The following NIBAN1 variants were observed in gnomAD, a reference collection of about 807,000 sequenced individuals.
NIBAN1 encodes niban apoptosis regulator 1.
A neutral mutation model predicts 75.1 loss-of-function variants in NIBAN1; 81 were observed. That is an observed-to-expected ratio of 1.08 (90% confidence interval 0.90 to 1.30). The LOEUF (loss-of-function observed/expected upper bound fraction) is 1.30, where lower values mean the gene tolerates loss of function less well. Ranked by LOEUF, NIBAN1 falls within the 50% of genes most tolerant of loss-of-function variation. The pLI is 0.00. For synonymous variants in NIBAN1, 436 were observed against 424.8 expected (o/e 1.03, Z -0.32); for missense variants, 1,133 against 1,128.1 (o/e 1.00, Z -0.06).
chr1:184,941,345 C>G (rs1658082203), intron 1 of NIBAN1, among the ~76,000 whole-genome samples: 1 of 152,136 alleles, frequency 6.6e-6, no homozygotes, highest in Non-Finnish European at 1.5e-5. Context: ...AATGTCAACA[C>G]TTTCATTTAA....
At chr1:184,926,555 G>A (rs1657691532) in intron 1 of NIBAN1, among the ~76,000 whole-genome samples, 1 of 152,064 alleles carries the variant, frequency 6.6e-6, no homozygotes, top group African/African-American at 2.4e-5. Flanking sequence ...TATGTTATTT[G>A]TTTCTTTTCT....
At chr1:184,866,027 A>T (rs1655947000) in intron 5 of NIBAN1, among the ~76,000 whole-genome samples, 1 of 152,086 alleles carries the variant, frequency 6.6e-6, no homozygotes, top group Admixed American at 6.6e-5. Flanking sequence ...TCAAATGATG[A>T]CCTACTTCCC....
intron 6 of NIBAN1, among the ~76,000 whole-genome samples, chr1:184,829,213 T>C (rs1344316080): frequency 6.6e-6 from 1 of 152,186 alleles, no homozygotes; most frequent in Non-Finnish European, 1.5e-5. Flanking sequence ...CCTGCAAAAC[T>C]AGGAGCTTAC....
At chr1:184,878,812 C>T (rs2101961831) in intron 5 of NIBAN1, among the ~76,000 whole-genome samples, 2 of 152,310 alleles carry the variant, frequency 1.3e-5, no homozygotes, top group South Asian at 4.1e-4. Context: ...ACAACTGGTT[C>T]TCAGCCACTA....
chr1:184,828,536 T>C (rs1484006478), intron 6 of NIBAN1, among the ~76,000 whole-genome samples: 1 of 152,238 alleles, frequency 6.6e-6, no homozygotes, highest in Non-Finnish European at 1.5e-5. Flanking sequence ...TTTACTGTTA[T>C]GCACCATGTC....
intron 1 of NIBAN1, among the ~76,000 whole-genome samples, chr1:184,969,572 T>A (rs1658881915): frequency 1.3e-5 from 2 of 152,072 alleles, no homozygotes; most frequent in Admixed American, 1.3e-4. Context: ...ATGCCTACTA[T>A]AATCACTGGC....
chr1:184,882,249 C>T (rs1445436741), intron 5 of NIBAN1, among the ~76,000 whole-genome samples: 1 of 152,240 alleles, frequency 6.6e-6, no homozygotes, highest in East Asian at 1.9e-4. Flanking sequence ...TAAGTGGCAG[C>T]TTGTGAAAGC....
At chr1:184,833,856 CTT>C (rs200105947) in intron 5 of NIBAN1, among the ~76,000 whole-genome samples, 4 of 137,836 alleles carry the variant, frequency 2.9e-5, no homozygotes, top group Non-Finnish European at 3.2e-5. Context: ...AAAATTTTTT[CTT>C]TTTTTTTTTT....
intron 1 of NIBAN1, among the ~76,000 whole-genome samples, chr1:184,957,202 G>C (rs753479702): frequency 4.6e-5 from 7 of 152,190 alleles, no homozygotes; most frequent in Non-Finnish European, 8.8e-5. Context: ...ACAGCACTGG[G>C]GTTGCTCTCC....
At chr1:184,801,830 G>A (rs188111325) in intron 12 of NIBAN1, among the ~76,000 whole-genome samples, 2 of 152,370 alleles carry the variant, frequency 1.3e-5, no homozygotes, top group Middle Eastern at 3.4e-3. Context: ...AAATAATTCT[G>A]TGGGAAGGAG....
intron 6 of NIBAN1, among the ~76,000 whole-genome samples, chr1:184,831,430 T>C (rs999276074): frequency 6.6e-6 from 1 of 152,170 alleles, no homozygotes; most frequent in African/African-American, 2.4e-5. Flanking sequence ...AGAGGAGTAA[T>C]CTAAGACTAA....
intron 1 of NIBAN1, among the ~76,000 whole-genome samples, chr1:184,960,581 T>G (rs1658603832): frequency 6.6e-6 from 1 of 152,164 alleles, no homozygotes. Flanking sequence ...ACAGCTTACA[T>G]TCTAGTGGTG....
At chr1:184,872,250 A>C (rs567509928) in intron 5 of NIBAN1, among the ~76,000 whole-genome samples, 2 of 152,244 alleles carry the variant, frequency 1.3e-5, no homozygotes, top group Non-Finnish European at 2.9e-5. Context: ...GAAAATAATT[A>C]ATAGAAATGA....
At chr1:184,929,294 C>G (rs949824876) in intron 1 of NIBAN1, among the ~76,000 whole-genome samples, 12 of 152,084 alleles carry the variant, frequency 7.9e-5, no homozygotes, top group Admixed American at 6.6e-4. Context: ...GAGTTTGACA[C>G]GTATTTATAA....
chr1:184,867,854 A>T, intron 5 of NIBAN1: 1 of 985,422 alleles, frequency 1.0e-6, no homozygotes, highest in South Asian at 4.7e-5. Context: ...TGGACACAGT[A>T]GACCCTTACC....
intron 5 of NIBAN1, among the ~76,000 whole-genome samples, chr1:184,838,733 C>T (rs368705112): frequency 6.6e-6 from 1 of 152,154 alleles, no homozygotes; most frequent in Non-Finnish European, 1.5e-5. Context: ...AACACCAAAG[C>T]TCCAAGGCCT....
At position 184,803,675 on chromosome 1, in the gene NIBAN1, G is replaced by T; in HGVS notation, c.1464C>A (p.Ser488Arg). The T allele has an allele frequency of 1.2e-6, 2 of 1,613,950 alleles. No homozygotes were observed. The highest frequency in any genetic ancestry group is 1.7e-6 in the Non-Finnish European group (2 of 1,179,852). Residue 488 changes from serine to arginine, a missense_variant, in exon 12 of 14, where the codon AGC (serine) becomes AGA (arginine). Physicochemically the swap from Ser to Arg is moderately radical, Grantham distance 110 (BLOSUM62 -1). Coordinates refer to ENST00000367511, the MANE Select transcript of NIBAN1 (RefSeq NM_052966.4). ...LRVLKQYDYD[S>R]STIRKKIFQE... ...GAAATATCTTCTTTCGGATGGTGCT[G>T]CTGTCATAATCATATTGCTGTCAAT... is the stretch of plus-strand genomic sequence containing the variant.
intron 8 of NIBAN1, among the ~76,000 whole-genome samples, chr1:184,820,978 C>T (rs1654682499): frequency 6.6e-6 from 1 of 152,176 alleles, no homozygotes; most frequent in African/African-American, 2.4e-5. Context: ...GACCTGTGCT[C>T]TCATTATGAG....
In NIBAN1 at chr1:184,862,834, CT is replaced by C. The variant is rs71101949; in HGVS notation, c.601+21798del. The stretch of plus-strand genomic sequence containing the variant: ...CAAGCTATCCCACAGTTTTTCTTTT[CT>C]TTTTTTTTTTAATAACTTTTATTTT... On this transcript the variant is annotated intron_variant, in intron 5 of 13. Coordinates refer to ENST00000367511, the MANE Select transcript of NIBAN1 (RefSeq NM_052966.4). 2.6e-4 allele frequency among the ~76,000 whole-genome samples: 38 copies of C among 148,460 alleles called. No individual in the cohort carries two copies. In the East Asian group the frequency reaches 3.5e-3, roughly 14 times the overall value.
Sources: allele counts gnomAD v4.1 joint callset (sites outside exome capture counted in the v4.1 genomes callset), GRCh38; gene constraint gnomAD v4.1.1; transcripts MANE v1.5; gene names NCBI Gene and HGNC (gene_info 2026-07-23, HGNC 2026-07-21).